Variants in NHSL2 observed in about 807,000 individuals in gnomAD.
NHSL2 encodes the protein NHS like 2.
NHSL2 carries 27 observed loss-of-function variants against 53.4 expected under a neutral mutation model. That is an observed-to-expected ratio of 0.51 (90% CI 0.37 to 0.70). NHSL2 has a LOEUF of 0.70. Among genes scored for constraint, NHSL2 ranks in the 30% least tolerant of loss-of-function variants. The probability of loss-of-function intolerance (pLI) is 0.00; values close to 1 mark genes in which losing one functional copy is unlikely to be tolerated. For missense variants in NHSL2, 892 were observed against 980.1 expected (o/e 0.91, Z 1.20); for synonymous variants, 408 against 404.1 (o/e 1.01, Z -0.12).
chrX:72,091,720 G>A (rs2041901587), intron 1 of NHSL2, among the ~76,000 whole-genome samples: 1 of 111,262 alleles, frequency 9.0e-6, no homozygotes, highest in East Asian at 2.8e-4. Context: ...GCCCAGCGGT[G>A]GATGTAGCCC....
intron 1 of NHSL2, among the ~76,000 whole-genome samples, chrX:72,088,521 T>G (rs1189697148): frequency 1.8e-5 from 2 of 112,297 alleles, no homozygotes; most frequent in Non-Finnish European, 3.8e-5. Context: ...TCTTAACACC[T>G]TAAATAACAC....
intron 1 of NHSL2, chrX:72,129,622 C>T (rs1344607921): frequency 4.7e-6 from 2 of 427,129 alleles, no homozygotes; most frequent in African/African-American, 5.0e-5. Context: ...ATTGCTGATC[C>T]CTCCTTTCCC....
intron 1 of NHSL2, among the ~76,000 whole-genome samples, chrX:72,063,483 A>G (rs2042410704): frequency 8.9e-6 from 1 of 112,348 alleles, no homozygotes; most frequent in Admixed American, 9.4e-5. Flanking sequence ...CAAGAAGTTG[A>G]CCATGCCCAG....
intron 1 of NHSL2, among the ~76,000 whole-genome samples, chrX:72,071,767 C>T (rs1424157351): frequency 1.8e-5 from 2 of 112,106 alleles, no homozygotes; most frequent in Non-Finnish European, 3.8e-5. Flanking sequence ...TCCAGTAACC[C>T]AAACTAGCAT....
chrX:72,148,617 G>A lies in NHSL2; in HGVS notation c.*5043G>A, dbSNP rs2042481740. 1 of 111,877 alleles carries A rather than the reference G, an allele frequency of 8.9e-6. No homozygotes were observed. Among genetic ancestry groups the A allele is most frequent in the Admixed American group, 9.5e-5 (1 of 10,515 alleles). The allele number at this position is 111,877 out of a possible 1,213,427, so 9.2% of individuals were successfully genotyped here. On this transcript the variant is annotated 3_prime_UTR_variant, in exon 8 of 8. Coordinates refer to ENST00000633930, the MANE Select transcript of NHSL2 (RefSeq NM_001013627.3). ...GCAAATTTTAGAATACTTTGAAACAGATTTATAGAGGAATACATAGTAAAT... is the reference window on the plus strand; with the variant it reads ...GCAAATTTTAGAATACTTTGAAACAAATTTATAGAGGAATACATAGTAAAT...
chrX:72,072,408 G>T (rs997636485), intron 1 of NHSL2, among the ~76,000 whole-genome samples: 1 of 111,994 alleles, frequency 8.9e-6, no homozygotes, highest in South Asian at 3.7e-4. Flanking sequence ...CTAGGATAAA[G>T]TATGTTTTCC....
At chrX:72,073,516 A>G (rs756481276) in intron 1 of NHSL2, among the ~76,000 whole-genome samples, 1 of 112,379 alleles carries the variant, frequency 8.9e-6, no homozygotes, top group South Asian at 3.7e-4. Context: ...TATATGGACC[A>G]GCTGTTTGAA....
In NHSL2 at chrX:71,977,425, CT is replaced by C. The variant is rs374810519; in HGVS notation, c.280+66074del. Among the ~76,000 whole-genome samples, 747 of 92,655 alleles carry C rather than the reference CT, an allele frequency of 8.1e-3. 9 individuals carry two copies. Among genetic ancestry groups the C allele is most frequent in the African/African-American group, 0.027 (689 of 25,970 alleles). 80.5% of individuals were successfully genotyped at this position (92,655 alleles called of 115,157 possible). A position where few individuals can be genotyped will look rare whatever the true frequency, so the allele number is the denominator to read the frequency against. On this transcript the variant is annotated intron_variant, in intron 1 of 7. Coordinates refer to ENST00000633930, the MANE Select transcript of NHSL2 (RefSeq NM_001013627.3). Reference sequence around the variant, plus strand: ...AAACTTGGTGGCAGTCTCTCTCTCTCTTTTTTTTTTTTTTTTGACAGCGCCT... The same window carrying C: ...AAACTTGGTGGCAGTCTCTCTCTCTCTTTTTTTTTTTTTTTGACAGCGCCT...
intron 1 of NHSL2, among the ~76,000 whole-genome samples, chrX:72,004,918 C>A (rs2042087619): frequency 9.0e-6 from 1 of 111,140 alleles, no homozygotes; most frequent in African/African-American, 3.3e-5. Flanking sequence ...GTAAGCTCCC[C>A]TTGCTGGGAA....
intron 1 of NHSL2, among the ~76,000 whole-genome samples, chrX:72,031,821 A>G (rs2042216749): frequency 1.8e-5 from 2 of 109,963 alleles, no homozygotes; most frequent in South Asian, 7.6e-4. Flanking sequence ...AAAGCTTTTT[A>G]TTTTGCAATT....
At chrX:72,105,976 G>A in intron 1 of NHSL2, among the ~76,000 whole-genome samples, 1 of 111,344 alleles carries the variant, frequency 9.0e-6, no homozygotes, top group Non-Finnish European at 1.9e-5. Flanking sequence ...TTGGGAGGCT[G>A]AGGCGGGCAG....
At chrX:72,099,583 C>G (rs189171433) in intron 1 of NHSL2, among the ~76,000 whole-genome samples, 208 of 110,518 alleles carry the variant, frequency 1.9e-3, no homozygotes, top group Middle Eastern at 9.3e-3. Flanking sequence ...ATTGGTCAGG[C>G]TGGTCTCAAA....
intron 1 of NHSL2, among the ~76,000 whole-genome samples, chrX:72,065,621 G>A (rs921033023): frequency 2.7e-5 from 3 of 111,425 alleles, no homozygotes; most frequent in African/African-American, 9.8e-5. Flanking sequence ...CCTACTATGG[G>A]CCTGGTGTCG....
intron 1 of NHSL2, among the ~76,000 whole-genome samples, chrX:71,953,033 C>T (rs1479617379): frequency 1.8e-5 from 2 of 111,905 alleles, no homozygotes; most frequent in Non-Finnish European, 3.8e-5. Context: ...GCCAGGGCAT[C>T]GTGGCTGGTC....
At chrX:72,124,453 T>C (rs7472613) in intron 1 of NHSL2, among the ~76,000 whole-genome samples, 65,829 of 110,078 alleles carry the variant, frequency 0.6, 16,690 homozygotes, top group Non-Finnish European at 0.79. Flanking sequence ...GGGTCGGTTC[T>C]TGCTCCAGGG....
At chrX:72,077,890 C>T (rs1028093057) in intron 1 of NHSL2, among the ~76,000 whole-genome samples, 21 of 112,423 alleles carry the variant, frequency 1.9e-4, no homozygotes, top group Non-Finnish European at 3.0e-4. Flanking sequence ...CCCAGGGTAC[C>T]GGTCAGAAAG....
chrX:72,048,762 A>G, intron 1 of NHSL2, among the ~76,000 whole-genome samples: 1 of 109,732 alleles, frequency 9.1e-6, no homozygotes, highest in Non-Finnish European at 1.9e-5. Context: ...GAAGGTAGAA[A>G]AGCGTGTGCC....
chrX:72,012,894 G>A (rs911435892), intron 1 of NHSL2, among the ~76,000 whole-genome samples: 18 of 112,338 alleles, frequency 1.6e-4, no homozygotes, highest in African/African-American at 5.8e-4. Context: ...TCATTGATCT[G>A]TGTGTCTGTC....
chrX:71,911,258 C>T lies in NHSL2; in HGVS notation c.171C>T (p.His57=). 8.7e-7 allele frequency: 1 copy of T among 1,144,807 alleles called. No individual in the cohort carries two copies. Among genetic ancestry groups the T allele is most frequent in the Non-Finnish European group, 1.2e-6 (1 of 866,925 alleles). The allele number at this position is 1,144,807 out of a possible 1,213,427, so 94.3% of individuals were successfully genotyped here. Residue 57 remains histidine, a synonymous_variant, in exon 1 of 8, where the codon CAC becomes CAT. Transcript: ENST00000633930. Reference sequence around the variant, plus strand: ...CTCTGCTCGAGGACCTCGAGGGGCACCTGCTGGCCCTGGGGCGCCGCACAG... The same window carrying T: ...CTCTGCTCGAGGACCTCGAGGGGCATCTGCTGGCCCTGGGGCGCCGCACAG... The part of the protein sequence containing the change: ...SLALLEDLEG[H]LLALGRRTDS...
Sources: allele counts gnomAD v4.1 joint callset (sites outside exome capture counted in the v4.1 genomes callset), GRCh38; gene constraint gnomAD v4.1.1; transcripts MANE v1.5; gene names NCBI Gene and HGNC (gene_info 2026-07-23, HGNC 2026-07-21).